PPP6R1: variants seen among roughly 807,000 people sequenced by gnomAD.
The protein encoded by PPP6R1 is protein phosphatase 6 regulatory subunit 1, also known as serine/threonine-protein phosphatase 6 regulatory subunit 1.
Under a neutral mutation model 104.6 loss-of-function variants are expected in PPP6R1, and 39 were observed. The ratio of observed to expected loss-of-function variants is 0.37; its 90% confidence interval spans 0.29 to 0.49. The LOEUF is 0.49. Among genes scored for constraint, PPP6R1 ranks in the 20% least tolerant of loss-of-function variants. The pLI, the probability that PPP6R1 is intolerant of heterozygous loss-of-function variation, is 0.98. For missense variants in PPP6R1, 1,181 were observed against 1,155.8 expected, an observed-to-expected ratio of 1.02 and a Z score of -0.32; for synonymous variants, 549 against 479.0, an observed-to-expected ratio of 1.15 and a Z score of -1.91.
intron 2 of PPP6R1, among the ~76,000 whole-genome samples, chr19:55,246,643 T>G (rs769833217): frequency 2.9e-4 from 44 of 152,094 alleles, no homozygotes; most frequent in Non-Finnish European, 5.4e-4. Context: ...GCCCGTGAAT[T>G]TGTGGCTGCC....
intron 5 of PPP6R1, among the ~76,000 whole-genome samples, chr19:55,243,538 A>C (rs2087479029): frequency 6.6e-6 from 1 of 152,072 alleles, no homozygotes; most frequent in Non-Finnish European, 1.5e-5. Context: ...GGTGGTGTGC[A>C]TCTCTAGTTC....
Position 55,231,498 on chromosome 19 carries a change from G to A in PPP6R1, c.2378-7C>T, listed in dbSNP as rs760820297. 3.1e-6 allele frequency: 5 copies of A among 1,604,240 alleles called. No individual in the cohort carries two copies. In the African/African-American group the frequency reaches 5.4e-5, roughly 17 times the overall value. On this transcript the variant is annotated splice_polypyrimidine_tract_variant and splice_region_variant and intron_variant, in intron 20 of 23. Coordinates refer to ENST00000412770, the MANE Select transcript of PPP6R1 (RefSeq NM_014931.4). ...ACCAAGGCCTGGCAAGGGGCTGTGG[G>A]GGATAAGAGATCTCAGCTGCAGCTC...
chr19:55,251,724 G>A (rs1480269348), intron 1 of PPP6R1, among the ~76,000 whole-genome samples: 4 of 152,096 alleles, frequency 2.6e-5, no homozygotes, highest in Non-Finnish European at 5.9e-5. Context: ...GCGACAGGCC[G>A]ACCACCAAGT....
At chr19:55,237,045 T>A (rs1171736560) in intron 15 of PPP6R1, 75 bp from the exon 16 acceptor site, 19 of 1,440,410 alleles carry the variant, frequency 1.3e-5, no homozygotes, top group Admixed American at 7.3e-5. Flanking sequence ...CACATTTCTT[T>A]CTTCACTCAA....
intron 1 of PPP6R1, among the ~76,000 whole-genome samples, chr19:55,254,102 G>T (rs567516501): frequency 6.6e-6 from 1 of 152,336 alleles, no homozygotes; most frequent in African/African-American, 2.4e-5. Flanking sequence ...CAGAGGAGCA[G>T]GAGAAAGACT....
chr19:55,242,635 A>C, intron 5 of PPP6R1, 147 bp from the exon 6 acceptor site: 1 of 681,394 alleles, frequency 1.5e-6, no homozygotes, highest in Non-Finnish European at 2.6e-6. Context: ...AGGAGGGCAC[A>C]GAGGCACCAA....
rs370775874 is a variant in PPP6R1, at chr19:55,231,696, G to T, written c.2307-28C>A. On this transcript the variant is annotated intron_variant, in intron 19 of 23. Coordinates refer to ENST00000412770, the MANE Select transcript of PPP6R1 (RefSeq NM_014931.4). ...GGTAGGCGAGAGAGGCAGCCCAAGG[G>T]GGCAGCTAGGGTTAGCACTCGAGCC... is the stretch of plus-strand genomic sequence containing the variant. 1.1e-5 allele frequency: 18 copies of T among 1,569,510 alleles called. No homozygotes were observed. The African/African-American group carries it at 2.2e-4, about 19-fold the overall frequency.
At position 55,245,294 on chromosome 19, in the gene PPP6R1, G is replaced by A. The variant is rs950924462; in HGVS notation, c.523C>T (p.Arg175Trp). ...LLLRLLTCVE[R>W]PQLRQDVVNW... is the part of the protein sequence containing the mutation. ...ACAACATCCTGCCTCAGCTGAGGCCGCTCCACACAGGTGAGCAGGCGCAGC... is the reference window on the plus strand; with the variant it reads ...ACAACATCCTGCCTCAGCTGAGGCCACTCCACACAGGTGAGCAGGCGCAGC... The change falls in exon 4 of 24, where the codon CGG becomes TGG. Residue 175 changes from arginine to tryptophan, a missense_variant. Arg to Trp is a moderately radical substitution (Grantham distance 101). This residue lies in a region of PPP6R1 where 1,042 missense variants were observed against 955.6 expected (regional missense o/e 1.09). Coordinates refer to ENST00000412770, the MANE Select transcript of PPP6R1 (RefSeq NM_014931.4). This position sits in a 1 kb window ranked among gnomAD's most constrained non-coding sequence, Gnocchi z 6.4. The A allele has an allele frequency of 8.1e-6, 13 of 1,601,564 alleles. No individual in the cohort carries two copies. Among genetic ancestry groups the A allele is most frequent in the African/African-American group, 1.3e-5 (1 of 74,620 alleles).
chr19:55,242,292 G>C lies in PPP6R1; in HGVS notation c.732-13C>G. 1 of 1,613,686 alleles carries C rather than the reference G, an allele frequency of 6.2e-7. No homozygotes were observed. The highest frequency in any genetic ancestry group is 1.3e-5 in the African/African-American group (1 of 75,050). ...AATCGTCTCCTGCCTGCGGGGGCAG[G>C]GGCAGGGGTCAGGGTGAGGGGCCAG... On this transcript the variant is annotated splice_polypyrimidine_tract_variant and intron_variant, in intron 6 of 23. Transcript: ENST00000412770.
downstream of PPP6R1, chr19:55,229,731 A>G (rs1271503545): frequency 2.0e-5 from 3 of 152,222 alleles, no homozygotes; most frequent in South Asian, 2.1e-4. Context: ...CAGGGATAAT[A>G]CAGGCTCCCC....
chr19:55,249,047 C>T (rs2087533089), intron 1 of PPP6R1, among the ~76,000 whole-genome samples: 1 of 152,224 alleles, frequency 6.6e-6, no homozygotes, highest in Non-Finnish European at 1.5e-5. Flanking sequence ...TGGGTCCCTA[C>T]ACCTGGCCAA....
In PPP6R1 at chr19:55,235,840, CTTTTTTTT is replaced by C. The variant is rs1196377498; in HGVS notation, c.1988+795_1988+802del. Among the ~76,000 whole-genome samples, 29 of 113,040 alleles carry C rather than the reference CTTTTTTTT, an allele frequency of 2.6e-4. No homozygotes were observed. In the East Asian group the frequency reaches 7.0e-3, roughly 27 times the overall value. 74.2% of individuals were successfully genotyped at this position (113,040 alleles called of 152,430 possible). On this transcript the variant is annotated intron_variant, in intron 17 of 23. Coordinates refer to ENST00000412770, the MANE Select transcript of PPP6R1 (RefSeq NM_014931.4). ...GCTGATTTTTTTTAATTTGTTGATT[CTTTTTTTT>C]TTTTTTTTTTTTGAGACCAGGTCTC...
chr19:55,241,869 G>A lies in PPP6R1; in HGVS notation c.846-230C>T, dbSNP rs1374414535. On this transcript the variant is annotated intron_variant, in intron 7 of 23. Transcript: ENST00000412770. This position sits in a 1 kb window ranked among gnomAD's most constrained non-coding sequence, Gnocchi z 5.4. ...GAGCACGGGTGAGGGGTGGAGGCGG[G>A]AAGGCAAACCCAACAGGCTAGCGGC... is the stretch of plus-strand genomic sequence containing the variant. Among the ~76,000 whole-genome samples the A allele has an allele frequency of 1.3e-5, 2 of 152,314 alleles. No homozygotes were observed. Among genetic ancestry groups the A allele is most frequent in the African/African-American group, 2.4e-5 (1 of 41,564 alleles).
rs375305591 is a variant in PPP6R1 at position 55,231,568 on chromosome 19, C to T, written c.2377+30G>A. 8.5e-5 allele frequency: 136 copies of T among 1,604,130 alleles called. No homozygotes were observed. In the African/African-American group the frequency reaches 9.2e-4, roughly 11 times the overall value. Reference sequence around the variant, plus strand: ...CCAGGCTGCTCTCTCTGCCCAGGGCCGCGGGTGGGCAGGGCAAAGCGGGGC... The same window carrying T: ...CCAGGCTGCTCTCTCTGCCCAGGGCTGCGGGTGGGCAGGGCAAAGCGGGGC... On this transcript the variant is annotated intron_variant, in intron 20 of 23. Coordinates refer to ENST00000412770, the MANE Select transcript of PPP6R1 (RefSeq NM_014931.4).
chr19:55,228,592 G>A (rs1352644956), downstream of PPP6R1: 39 of 1,528,164 alleles, frequency 2.6e-5, no homozygotes, highest in Non-Finnish European at 3.4e-5. Context: ...GCTTCCCAGG[G>A]CCCAACCAAC....
chr19:55,235,648 C>A (rs7248174), intron 17 of PPP6R1, among the ~76,000 whole-genome samples: 139,868 of 151,184 alleles, frequency 0.93, 64,792 homozygotes, highest in Middle Eastern at 0.96. Context: ...CCTCCCAAGT[C>A]GCTGGGACCA....
chr19:55,230,920 C>G (rs764029907), intron 21 of PPP6R1, 36 bp from the exon 22 acceptor site: 2 of 1,510,034 alleles, frequency 1.3e-6, no homozygotes, highest in South Asian at 2.3e-5. Context: ...GTCAGCGTGG[C>G]CCCCACCGTC....
At chr19:55,229,644 T>G (rs2087320113), downstream of PPP6R1, 1 of 152,210 alleles carries the variant, frequency 6.6e-6, no homozygotes, top group Non-Finnish European at 1.5e-5. Flanking sequence ...GCCTGGGGCC[T>G]CTGCAGCCAC....
chr19:55,228,358 T>C (rs1475358459), downstream of PPP6R1: 25 of 1,613,886 alleles, frequency 1.5e-5, no homozygotes, highest in Non-Finnish European at 2.0e-5. Context: ...CCAGGACAGC[T>C]GGTCCTCGGG....
Sources: gnomAD v4.1 joint callset for allele counts (sites outside exome capture counted in the v4.1 genomes callset) on GRCh38, gnomAD v4.1.1 for gene constraint, gnomAD v4.1.1 regional missense constraint, Gnocchi (gnomAD v3.1) non-coding constraint, MANE v1.5 for transcripts, NCBI Gene and HGNC (gene_info 2026-07-23, HGNC 2026-07-21) for gene names.